The following VPS53 variants were observed in gnomAD, a reference collection of about 807,000 sequenced individuals.
VPS53 encodes VPS53 subunit of GARP complex.
A neutral mutation model predicts 107.0 loss-of-function variants in VPS53; 70 were observed. The observed-to-expected ratio is 0.65, with a 90% CI of 0.54 to 0.80. The LOEUF (loss-of-function observed/expected upper bound fraction) is 0.80, where lower values mean the gene tolerates loss of function less well. Among genes scored for constraint, VPS53 ranks in the 30% least tolerant of loss-of-function variants. The probability of loss-of-function intolerance (pLI) is 0.00; values close to 1 mark genes in which losing one functional copy is unlikely to be tolerated. For synonymous variants in VPS53, 409 were observed against 393.3 expected, an observed-to-expected ratio of 1.04 and a Z score of -0.47; for missense variants, 917 against 1,049.4, an observed-to-expected ratio of 0.87 and a Z score of 1.74.
chr17:644,479 G>GA (rs1283972218), intron 7 of VPS53, among the ~76,000 whole-genome samples: 2 of 152,160 alleles, frequency 1.3e-5, no homozygotes, highest in Non-Finnish European at 2.9e-5. Flanking sequence ...CTAAAAATAA[G>GA]AAGTCTGGAC....
intron 17 of VPS53, among the ~76,000 whole-genome samples, chr17:546,374 C>CGA (rs1265657035): frequency 1.4e-5 from 2 of 144,116 alleles, no homozygotes; most frequent in Non-Finnish European, 3.0e-5. Flanking sequence ...CACACACACA[C>CGA]ACGATATACC....
At chr17:608,222 T>C (rs1000817499) in intron 11 of VPS53, among the ~76,000 whole-genome samples, 1 of 152,174 alleles carries the variant, frequency 6.6e-6, no homozygotes, top group African/African-American at 2.4e-5. Context: ...CCACTTCTTC[T>C]ATTGCAACAG....
At chr17:598,198 A>C (rs1387429168) in intron 12 of VPS53, among the ~76,000 whole-genome samples, 1 of 152,026 alleles carries the variant, frequency 6.6e-6, no homozygotes, top group Admixed American at 6.5e-5. Context: ...CCTAACCGCA[A>C]GTGATCCGCC....
intron 8 of VPS53, among the ~76,000 whole-genome samples, chr17:630,015 T>C (rs331015): frequency 1 from 152,139 of 152,244 alleles, 76,017 homozygotes; most frequent in Middle Eastern, 1. Context: ...AATGAGTGGC[T>C]GGGCATGGTG....
At chr17:556,055 T>C (rs1435348462) in intron 15 of VPS53, among the ~76,000 whole-genome samples, 5 of 152,000 alleles carry the variant, frequency 3.3e-5, no homozygotes, top group Non-Finnish European at 7.4e-5. Flanking sequence ...GGCAAGAAGA[T>C]CACTTGAGCC....
intron 7 of VPS53, among the ~76,000 whole-genome samples, chr17:637,341 A>C (rs1359008871): frequency 1.3e-5 from 2 of 151,814 alleles, no homozygotes; most frequent in Non-Finnish European, 2.9e-5. Flanking sequence ...GCAGTCTATC[A>C]ATTTTGTTGA....
intron 5 of VPS53, chr17:656,699 A>AGTGTGT (rs1567713837): frequency 4.0e-6 from 2 of 495,586 alleles, no homozygotes; most frequent in Admixed American, 4.3e-5. Flanking sequence ...CTGACTAAGA[A>AGTGTGT]ATGTGTGTGT....
rs554057545 is a variant in VPS53 at position 516,262 on chromosome 17, T to C, written c.*2866A>G. The C allele has an allele frequency of 1.3e-5, 2 of 152,278 alleles. No homozygotes were observed. The highest frequency in any genetic ancestry group is 3.4e-3 in the Middle Eastern group (1 of 294). The allele number at this position is 152,278 out of a possible 1,614,324, so 9.4% of individuals were successfully genotyped here. ...CCCTTCCATAAAGCAAATCTCTCTGTTGCAGTGGTTCTTAACAAGGTGTAA... is the reference window on the plus strand; with the variant it reads ...CCCTTCCATAAAGCAAATCTCTCTGCTGCAGTGGTTCTTAACAAGGTGTAA... On this transcript the variant is annotated 3_prime_UTR_variant, in exon 22 of 22. Transcript: ENST00000437048.
intron 4 of VPS53, among the ~76,000 whole-genome samples, chr17:668,506 T>G (rs1310592253): frequency 6.6e-6 from 1 of 152,110 alleles, no homozygotes; most frequent in African/African-American, 2.4e-5. Context: ...TTAAACAGAG[T>G]CTAATATCCA....
chr17:526,065 G>A lies in VPS53; in HGVS notation c.2086-4327C>T, dbSNP rs919160902. Reference sequence around the variant, plus strand: ...AACATGTTACATATTTTGCTGAGCTGAGTAGTTAGTTACTGTTTTTTACAT... The same window carrying A: ...AACATGTTACATATTTTGCTGAGCTAAGTAGTTAGTTACTGTTTTTTACAT... On this transcript the variant is annotated intron_variant, in intron 19 of 21. Transcript: ENST00000437048. 3.3e-5 allele frequency among the ~76,000 whole-genome samples: 5 copies of A among 149,486 alleles called. No homozygotes were observed. The East Asian group carries it at 9.8e-4, about 29-fold the overall frequency.
intron 4 of VPS53, among the ~76,000 whole-genome samples, chr17:686,260 G>A (rs908162322): frequency 6.6e-6 from 1 of 152,040 alleles, no homozygotes; most frequent in South Asian, 2.1e-4. Context: ...TTCAAGGCTA[G>A]AGTGAGCTAC....
intron 14 of VPS53, among the ~76,000 whole-genome samples, chr17:561,693 A>G (rs1913013608): frequency 6.6e-6 from 1 of 152,188 alleles, no homozygotes; most frequent in African/African-American, 2.4e-5. Context: ...GCAATGGCAC[A>G]ATCTCGGCTC....
At chr17:531,651 G>A (rs188230942) in intron 19 of VPS53, among the ~76,000 whole-genome samples, 10 of 151,698 alleles carry the variant, frequency 6.6e-5, no homozygotes, top group South Asian at 2.1e-4. Flanking sequence ...GGTGTGGACC[G>A]TTTTTTAGCT....
chr17:638,361 CTT>C (rs1229657997), intron 7 of VPS53, among the ~76,000 whole-genome samples: 2 of 152,154 alleles, frequency 1.3e-5, no homozygotes, highest in East Asian at 3.8e-4. Flanking sequence ...GGTCTTGACT[CTT>C]GAGCCAATTT....
At chr17:593,422 T>A (rs1337794650) in intron 12 of VPS53, among the ~76,000 whole-genome samples, 3 of 152,114 alleles carry the variant, frequency 2.0e-5, no homozygotes, top group Non-Finnish European at 2.9e-5. Context: ...GACAAAGGGC[T>A]AATATCCAGA....
intron 7 of VPS53, among the ~76,000 whole-genome samples, chr17:638,472 T>C (rs994002481): frequency 2.0e-5 from 3 of 152,222 alleles, no homozygotes; most frequent in Non-Finnish European, 2.9e-5. Context: ...TGTTAGCTGG[T>C]TATTTTGCTC....
chr17:604,127 A>G (rs1968452275), intron 11 of VPS53, among the ~76,000 whole-genome samples: 1 of 152,200 alleles, frequency 6.6e-6, no homozygotes, highest in Non-Finnish European at 1.5e-5. Context: ...TGATAACAGC[A>G]CCTCACAATT....
At chr17:654,736 CAAAAAAAAAAAA>C (rs35308893) in intron 6 of VPS53, among the ~76,000 whole-genome samples, 1 of 67,536 alleles carries the variant, frequency 1.5e-5, no homozygotes, top group African/African-American at 4.3e-5. Flanking sequence ...GACTCCAACT[CAAAAAAAAAAAA>C]AAAAAAGAAA....
chr17:594,464 CT>C (rs1458186130), intron 12 of VPS53, among the ~76,000 whole-genome samples: 3 of 150,190 alleles, frequency 2.0e-5, no homozygotes, highest in Admixed American at 6.6e-5. Flanking sequence ...AGTGCCCCCC[CT>C]GGAGGAAGCT....
Sources: allele counts gnomAD v4.1 joint callset (sites outside exome capture counted in the v4.1 genomes callset), GRCh38; gene constraint gnomAD v4.1.1; transcripts MANE v1.5; gene names NCBI Gene and HGNC (gene_info 2026-07-23, HGNC 2026-07-21).